The following ACOX3 variants were observed in gnomAD, a reference collection of about 807,000 sequenced individuals.
ACOX3 encodes peroxisomal acyl-coenzyme A oxidase 3.
In ACOX3, 73 loss-of-function variants were observed where a neutral mutation model predicts 81.5. The observed-to-expected ratio is 0.90, with a 90% CI of 0.74 to 1.09. ACOX3 has a LOEUF of 1.09. ACOX3 is among the 50% of genes least tolerant of loss of function. The pLI is 0.00. For missense variants in ACOX3, 947 were observed against 928.0 expected (o/e 1.02, Z -0.27); for synonymous variants, 387 against 375.1 (o/e 1.03, Z -0.37).
At chr4:8,391,982 C>T (rs916054507) in intron 11 of ACOX3, among the ~76,000 whole-genome samples, 1 of 152,240 alleles carries the variant, frequency 6.6e-6, no homozygotes, top group South Asian at 2.1e-4. Flanking sequence ...CTGCTCTCTG[C>T]CTATATTTTG....
Position 8,416,387 on chromosome 4 carries a change from G to A in ACOX3, c.135C>T (p.Leu45=). 6.2e-7 allele frequency: 1 copy of A among 1,614,160 alleles called. No individual in the cohort carries two copies. The highest frequency in any genetic ancestry group is 1.7e-4 in the Middle Eastern group (1 of 6,056). Residue 45 remains leucine (L), a synonymous_variant, in exon 2 of 18, where the codon CTC becomes CTT. Transcript: ENST00000356406. The surrounding 1 kb of genome is among the most constrained non-coding windows in gnomAD (Gnocchi z 4.2). ...LALFTEGEGM[L]RFKKTIFSAL... Reference sequence around the variant, plus strand: ...CAACCGCACGCCTCACCTTAAAGCGGAGCATGCCCTCCCCTTCCGTGAACA... The same window carrying A: ...CAACCGCACGCCTCACCTTAAAGCGAAGCATGCCCTCCCCTTCCGTGAACA...
intron 16 of ACOX3, among the ~76,000 whole-genome samples, chr4:8,371,422 G>C (rs998190063): frequency 6.6e-6 from 1 of 152,208 alleles, no homozygotes. Context: ...AGCATATGAA[G>C]CCTCCTCGGT....
At chr4:8,355,843 C>T in the ACOX3 span, 1 of 153,392 alleles carries the variant, frequency 6.5e-6, no homozygotes, top group Non-Finnish European at 1.5e-5. Context: ...AAAATATTTT[C>T]AAAACTAAAT....
At chr4:8,361,926 G>A (rs1715241206), downstream of ACOX3, among the ~76,000 whole-genome samples, 1 of 152,122 alleles carries the variant, frequency 6.6e-6, no homozygotes, top group African/African-American at 2.4e-5. Flanking sequence ...CAAAAGTATG[G>A]GAAAATCCTC....
In ACOX3 at chr4:8,431,992, G is replaced by A. The variant is rs1723985325; in HGVS notation, c.-15+8656C>T. Among the ~76,000 whole-genome samples the A allele has an allele frequency of 6.6e-6, 1 of 152,148 alleles. No homozygotes were observed. Among genetic ancestry groups the A allele is most frequent in the African/African-American group, 2.4e-5 (1 of 41,438 alleles). On this transcript the variant is annotated intron_variant, in intron 1 of 17. Coordinates refer to ENST00000356406, the MANE Select transcript of ACOX3 (RefSeq NM_003501.3). The surrounding 1 kb of genome is among the most constrained non-coding windows in gnomAD (Gnocchi z 5.3). ...TGCATTCCCAGAAGAGTGGCTGGAA[G>A]AAGTCACCAGGTCCTTGGGAAGGGA... is the stretch of plus-strand genomic sequence containing the variant.
intron 5 of ACOX3, among the ~76,000 whole-genome samples, chr4:8,413,075 T>G (rs1578963151): frequency 1.2e-5 from 1 of 83,890 alleles, no homozygotes; most frequent in Admixed American, 1.5e-4. Flanking sequence ...CCCGCACCCC[T>G]CCTCAGCACT....
At position 8,423,382 on chromosome 4, in the gene ACOX3, G is replaced by A. The variant is rs1463760493; in HGVS notation, c.-14-6847C>T. On this transcript the variant is annotated intron_variant, in intron 1 of 17. Coordinates refer to ENST00000356406, the MANE Select transcript of ACOX3 (RefSeq NM_003501.3). The surrounding 1 kb of genome is among the most constrained non-coding windows in gnomAD (Gnocchi z 4.2). ...TAATCCTGAAGTCTGGGCAACAGAA[G>A]GACAATATGGATGAGGGAAGAATGC... 1.3e-5 allele frequency among the ~76,000 whole-genome samples: 2 copies of A among 152,082 alleles called. No individual in the cohort carries two copies. The highest frequency in any genetic ancestry group is 4.8e-5 in the African/African-American group (2 of 41,394).
In ACOX3 at chr4:8,386,391, T is replaced by C. The variant is rs1037214192; in HGVS notation, c.1537+2782A>G. Among the ~76,000 whole-genome samples, 38 of 151,748 alleles carry C rather than the reference T, an allele frequency of 2.5e-4. No homozygotes were observed. Among genetic ancestry groups the C allele is most frequent in the Middle Eastern group, 6.8e-3 (2 of 294 alleles). ...ACCATCCTGCCTAACACGGTGAAAC[T>C]CCGTCTCTACTAAAAATACAAAAAA... On this transcript the variant is annotated intron_variant, in intron 13 of 17. Coordinates refer to ENST00000356406, the MANE Select transcript of ACOX3 (RefSeq NM_003501.3). The surrounding 1 kb of genome is among the most constrained non-coding windows in gnomAD (Gnocchi z 5.2).
chr4:8,400,388 A>AT lies in ACOX3; in HGVS notation c.777-737dup. On this transcript the variant is annotated intron_variant, in intron 7 of 17. Coordinates refer to ENST00000356406, the MANE Select transcript of ACOX3 (RefSeq NM_003501.3). The surrounding 1 kb of genome is among the most constrained non-coding windows in gnomAD (Gnocchi z 4.4). ...CCAAAGATTGGAATCTCTGATTCTC[A>AT]TATTTCAATCTTAAACCAGAACCCA... 6.6e-6 allele frequency among the ~76,000 whole-genome samples: 1 copy of AT among 152,366 alleles called. No individual in the cohort carries two copies. The highest frequency in any genetic ancestry group is 1.9e-4 in the East Asian group (1 of 5,194).
Position 8,399,419 on chromosome 4 carries a change from A to G in ACOX3, c.873+137T>C, listed in dbSNP as rs1720099860. ...TAGCGGGAGCACCAGAACCCGAGCCAGGAGAAGTATGCCCCAGCGACACCT... is the reference window on the plus strand; with the variant it reads ...TAGCGGGAGCACCAGAACCCGAGCCGGGAGAAGTATGCCCCAGCGACACCT... On this transcript the variant is annotated intron_variant, in intron 8 of 17. Transcript: ENST00000356406. The surrounding 1 kb of genome is among the most constrained non-coding windows in gnomAD (Gnocchi z 4.9). 4.2e-6 allele frequency: 3 copies of G among 711,564 alleles called. No homozygotes were observed. In the Admixed American group the frequency reaches 8.4e-5, roughly 20 times the overall value. The allele number at this position is 711,564 out of a possible 1,614,324, so 44.1% of individuals were successfully genotyped here.
In ACOX3 at chr4:8,406,890, A is replaced by G. The variant is rs151261221; in HGVS notation, c.688-847T>C. Among the ~76,000 whole-genome samples, 113 of 152,298 alleles carry G rather than the reference A, an allele frequency of 7.4e-4. 2 individuals are homozygous for G. In the East Asian group the frequency reaches 0.02, roughly 27 times the overall value. On this transcript the variant is annotated intron_variant, in intron 6 of 17. Coordinates refer to ENST00000356406, the MANE Select transcript of ACOX3 (RefSeq NM_003501.3). The surrounding 1 kb of genome is among the most constrained non-coding windows in gnomAD (Gnocchi z 5.6). ...CAGGGAGACGGTTAGTCCTCCGGATAACTGCGGGCAAGCCTGACAAATGTC... is the reference window on the plus strand; with the variant it reads ...CAGGGAGACGGTTAGTCCTCCGGATGACTGCGGGCAAGCCTGACAAATGTC...
chr4:8,357,015 G>A, the ACOX3 span: 13 of 456,346 alleles, frequency 2.8e-5, no homozygotes, highest in African/African-American at 1.8e-4. Flanking sequence ...GTGCAGAATG[G>A]TGCATGCTAA....
Position 8,381,643 on chromosome 4 carries a change from A to G in ACOX3, c.1538-36T>C. On this transcript the variant is annotated intron_variant, in intron 13 of 17. Transcript: ENST00000356406. The surrounding 1 kb of genome is among the most constrained non-coding windows in gnomAD (Gnocchi z 4.3). ...ACAAACAGAAGGAGAAAAAGTAACA[A>G]TAGAGAACACAGCATTTGTCACAAC... 5 of 1,499,166 alleles carry G rather than the reference A, an allele frequency of 3.3e-6. No individual in the cohort carries two copies. The highest frequency in any genetic ancestry group is 2.8e-5 in the African/African-American group (2 of 72,608). The allele number at this position is 1,499,166 out of a possible 1,614,324, so 92.9% of individuals were successfully genotyped here. A position where few individuals can be genotyped will look rare whatever the true frequency, so the allele number is the denominator to read the frequency against.
rs561376380 is a variant in ACOX3, at chr4:8,440,720, A to T, written c.-87T>A. 1.7e-4 allele frequency: 226 copies of T among 1,341,834 alleles called. No individual in the cohort carries two copies. The highest frequency in any genetic ancestry group is 2.1e-4 in the Non-Finnish European group (221 of 1,040,802). 83.1% of individuals were successfully genotyped at this position (1,341,834 alleles called of 1,614,324 possible). On this transcript the variant is annotated 5_prime_UTR_variant, in exon 1 of 18. An upstream start codon of the reference 5' UTR is lost. Transcript: ENST00000356406. Reference sequence around the variant, plus strand: ...AAGGATCTCCAGCGGCGCCATTCTCATTTCCGGTCCCAGCACCCCGCCTCC... The same window carrying T: ...AAGGATCTCCAGCGGCGCCATTCTCTTTTCCGGTCCCAGCACCCCGCCTCC...
chr4:8,399,474 T>A lies in ACOX3; in HGVS notation c.873+82A>T. On this transcript the variant is annotated intron_variant, in intron 8 of 17. Coordinates refer to ENST00000356406, the MANE Select transcript of ACOX3 (RefSeq NM_003501.3). The surrounding 1 kb of genome is among the most constrained non-coding windows in gnomAD (Gnocchi z 4.9). ...TACGTGGAGGGGTCTCCTTTCCAGG[T>A]GCAGGGAGGAGCACAGAGCCAGGCC... is the stretch of plus-strand genomic sequence containing the variant. 1 of 1,246,578 alleles carries A rather than the reference T, an allele frequency of 8.0e-7. No homozygotes were observed. Among genetic ancestry groups the A allele is most frequent in the Non-Finnish European group, 1.2e-6 (1 of 862,642 alleles). 77.2% of individuals were successfully genotyped at this position (1,246,578 alleles called of 1,614,324 possible). A position where few individuals can be genotyped will look rare whatever the true frequency, so the allele number is the denominator to read the frequency against.
chr4:8,416,269 G>A lies in ACOX3; in HGVS notation c.144+109C>T. 2 of 1,580,106 alleles carry A rather than the reference G, an allele frequency of 1.3e-6. No homozygotes were observed. The highest frequency in any genetic ancestry group is 1.3e-5 in the African/African-American group (1 of 74,396). On this transcript the variant is annotated intron_variant, in intron 2 of 17. Coordinates refer to ENST00000356406, the MANE Select transcript of ACOX3 (RefSeq NM_003501.3). The surrounding 1 kb of genome is among the most constrained non-coding windows in gnomAD (Gnocchi z 4.2). ...GGAGAGAGGCCGCGCTGCCTGGGAT[G>A]AGCCTCGCCCGGCAGAGGAGGAGCT...
At chr4:8,363,724 A>T (rs1241956810), downstream of ACOX3, among the ~76,000 whole-genome samples, 1 of 152,172 alleles carries the variant, frequency 6.6e-6, no homozygotes, top group African/African-American at 2.4e-5. Flanking sequence ...CAGGTCATAA[A>T]GACCTTGCTG....
At chr4:8,424,728 C>A (rs1723287780) in intron 1 of ACOX3, among the ~76,000 whole-genome samples, 1 of 152,250 alleles carries the variant, frequency 6.6e-6, no homozygotes, top group African/African-American at 2.4e-5. Context: ...TTCTTCCAGA[C>A]AATGAAGAAA....
At chr4:8,366,165 C>T (rs144325942), downstream of ACOX3, 4,489 of 152,424 alleles carry the variant, frequency 0.029, 83 homozygotes, top group South Asian at 0.08. Context: ...CCGGGGGAGG[C>T]GTGCACTGAT....
Sources: gnomAD v4.1 joint callset for allele counts (sites outside exome capture counted in the v4.1 genomes callset) on GRCh38, gnomAD v4.1.1 for gene constraint, Gnocchi (gnomAD v3.1) non-coding constraint, MANE v1.5 for transcripts, NCBI Gene and HGNC (gene_info 2026-07-23, HGNC 2026-07-21) for gene names.